INTS3: variants seen among roughly 807,000 people sequenced by gnomAD.
The protein encoded by INTS3 is integrator complex subunit 3.
Under a neutral mutation model 146.3 loss-of-function variants are expected in INTS3, and 34 were observed. The observed-to-expected ratio is 0.23, with a 90% confidence interval of 0.18 to 0.31. The LOEUF is 0.31. Among genes scored for constraint, INTS3 ranks in the 10% least tolerant of loss-of-function variants. The pLI is 1.00. For synonymous variants in INTS3, 475 were observed against 494.9 expected, an observed-to-expected ratio of 0.96 and a Z score of 0.53; for missense variants, 757 against 1,304.2, an observed-to-expected ratio of 0.58 and a Z score of 6.46.
At position 153,740,744 on chromosome 1, in the gene INTS3, A is replaced by G. The variant is rs1045879870; in HGVS notation, c.234+10A>G. 2 of 1,599,470 alleles carry G rather than the reference A, an allele frequency of 1.3e-6. No individual in the cohort carries two copies. Among genetic ancestry groups the G allele is most frequent in the African/African-American group, 2.7e-5 (2 of 74,652 alleles). The stretch of plus-strand genomic sequence containing the variant: ...TGCCCTCAATGCGTATGTAAGTAGA[A>G]TGCTGTCCCTGCAGCCACTGCTGCT... On this transcript the variant is annotated intron_variant, in intron 2 of 29. Transcript: ENST00000318967.
chr1:153,757,566 C>A lies in INTS3; in HGVS notation c.958-6C>A, dbSNP rs1473010653. 1 of 1,612,198 alleles carries A rather than the reference C, an allele frequency of 6.2e-7. No individual in the cohort carries two copies. The highest frequency in any genetic ancestry group is 8.5e-7 in the Non-Finnish European group (1 of 1,178,338). On this transcript the variant is annotated splice_region_variant and splice_polypyrimidine_tract_variant and intron_variant, in intron 9 of 29. Coordinates refer to ENST00000318967, the MANE Select transcript of INTS3 (RefSeq NM_023015.5). The surrounding 1 kb of genome is among the most constrained non-coding windows in gnomAD (Gnocchi z 4.0). ...AAGGTCTTTTTCTTGCTTCCCCTTT[C>A]CCCAGGTGCGATTTGGTCAACAAAA...
chr1:153,759,592 A>C lies in INTS3; in HGVS notation c.1216A>C (p.Lys406Gln). The C allele has an allele frequency of 6.2e-7, 1 of 1,613,446 alleles. No homozygotes were observed. The highest frequency in any genetic ancestry group is 8.5e-7 in the Non-Finnish European group (1 of 1,179,410). ...FYDWLFFSPD[K>Q]DSIMNIEPAI... ...TGACTGGCTGTTCTTTAGTCCAGAC[A>C]AGGATAGCATTATGAACATAGGTAT... The change falls in exon 11 of 30, where the codon AAG becomes CAG. Residue 406 changes from lysine to glutamine, a missense_variant. Transcript: ENST00000318967.
At chr1:153,763,734 C>A in intron 16 of INTS3, 98 bp from the exon 17 acceptor site, 1 of 1,035,004 alleles carries the variant, frequency 9.7e-7, no homozygotes, top group Non-Finnish European at 1.5e-6. Flanking sequence ...TGTTTTGTCT[C>A]TGTGCATGTG....
rs1226716562 is a variant in INTS3 at position 153,752,431 on chromosome 1, T to G, written c.859+23T>G. ...CAGGTAAGTAGGGTCTTAGGCATCC[T>G]GTCCTTGAGAGCTGGGAGTTCAATG... On this transcript the variant is annotated intron_variant, in intron 8 of 29. Transcript: ENST00000318967. 3 of 1,592,518 alleles carry G rather than the reference T, an allele frequency of 1.9e-6. No individual in the cohort carries two copies. In the South Asian group the frequency reaches 3.4e-5, roughly 18 times the overall value.
rs566516652 is a variant in INTS3 at position 153,756,317 on chromosome 1, A to T, written c.958-1255A>T. Among the ~76,000 whole-genome samples, 447 of 151,826 alleles carry T rather than the reference A, an allele frequency of 2.9e-3. 2 individuals carry two copies. The highest frequency in any genetic ancestry group is 9.0e-3 in the African/African-American group (371 of 41,428). ...GAGGCAGAGGTTACAGTGAGCTGAG[A>T]TCGTGCCACTGCACTCCAGCCTGGG... is the stretch of plus-strand genomic sequence containing the variant. On this transcript the variant is annotated intron_variant, in intron 9 of 29. Transcript: ENST00000318967.
In INTS3 at chr1:153,750,474, G is replaced by A. The variant is rs867785855; in HGVS notation, c.585-621G>A. ...TTTTTCAGGTTGTGATTTAGGACAGGTGACTCATTGTGTGGGAGTGGGGAC... is the reference window on the plus strand; with the variant it reads ...TTTTTCAGGTTGTGATTTAGGACAGATGACTCATTGTGTGGGAGTGGGGAC... On this transcript the variant is annotated intron_variant, in intron 6 of 29. Coordinates refer to ENST00000318967, the MANE Select transcript of INTS3 (RefSeq NM_023015.5). Among the ~76,000 whole-genome samples, 4 of 152,288 alleles carry A rather than the reference G, an allele frequency of 2.6e-5. No homozygotes were observed. The South Asian group carries it at 6.2e-4, about 24-fold the overall frequency.
At chr1:153,733,087 T>C (rs1343691216) in intron 1 of INTS3, among the ~76,000 whole-genome samples, 2 of 150,132 alleles carry the variant, frequency 1.3e-5, no homozygotes, top group Non-Finnish European at 3.0e-5. Flanking sequence ...ATGATCCACC[T>C]ACCTCGGCCT....
chr1:153,743,601 T>C (rs1378345514), intron 3 of INTS3, among the ~76,000 whole-genome samples: 1 of 124,922 alleles, frequency 8.0e-6, no homozygotes, highest in Non-Finnish European at 1.9e-5. Flanking sequence ...TTGTCTCACT[T>C]GTACCTTCTT....
At chr1:153,760,043 T>A in intron 11 of INTS3, 1 of 549,420 alleles carries the variant, frequency 1.8e-6, no homozygotes. Context: ...CATTCATGTA[T>A]ATTGACATCC....
At chr1:153,761,515 A>C in intron 13 of INTS3, 55 bp from the exon 14 acceptor site, 2 of 1,339,730 alleles carry the variant, frequency 1.5e-6, no homozygotes, top group Non-Finnish European at 2.1e-6. Flanking sequence ...TGTCTCAAAA[A>C]AAAATAAAAA....
rs1263866464 is a variant in INTS3 at position 153,774,295 on chromosome 1, AC to A, written c.*1027del. 2.6e-5 allele frequency: 4 copies of A among 152,242 alleles called. No individual in the cohort carries two copies. The highest frequency in any genetic ancestry group is 9.7e-5 in the African/African-American group (4 of 41,442). The allele number at this position is 152,242 out of a possible 1,614,324, so 9.4% of individuals were successfully genotyped here. A position where few individuals can be genotyped will look rare whatever the true frequency, so the allele number is the denominator to read the frequency against. On this transcript the variant is annotated 3_prime_UTR_variant, in exon 30 of 30. Coordinates refer to ENST00000318967, the MANE Select transcript of INTS3 (RefSeq NM_023015.5). ...CCAGGCACTGATCTGTCTATGCAGA[AC>A]CATCCCCCGTAGGATGAGGCCTGTC...
In INTS3 at chr1:153,748,943, T is replaced by A. The variant is rs536019793; in HGVS notation, c.584+188T>A. 1.0e-3 allele frequency among the ~76,000 whole-genome samples: 157 copies of A among 152,244 alleles called. 1 individual carries two copies. Among genetic ancestry groups the A allele is most frequent in the Non-Finnish European group, 1.7e-3 (119 of 68,010 alleles). ...AATTAATGCCCAAGGAATGAAGGAA[T>A]GGGAAAGAGGTCTTTGCCAAAATAT... On this transcript the variant is annotated intron_variant, in intron 6 of 29. Coordinates refer to ENST00000318967, the MANE Select transcript of INTS3 (RefSeq NM_023015.5).
intron 3 of INTS3, among the ~76,000 whole-genome samples, chr1:153,744,282 C>G (rs1372856144): frequency 6.6e-6 from 1 of 152,154 alleles, no homozygotes; most frequent in East Asian, 1.9e-4. Flanking sequence ...GAGAACTTGT[C>G]CTGCTTCCCT....
rs1489690113 is a variant in INTS3 at position 153,757,846 on chromosome 1, C to T, written c.1149+83C>T. 1.7e-6 allele frequency: 2 copies of T among 1,154,420 alleles called. No individual in the cohort carries two copies. Among genetic ancestry groups the T allele is most frequent in the Non-Finnish European group, 1.3e-6 (1 of 782,820 alleles). 71.5% of individuals were successfully genotyped at this position (1,154,420 alleles called of 1,614,324 possible). ...TCCATTCTTCTTCCTGACTCCAGGG[C>T]CACTTGACCCCTAAGGGCCCTTCTT... On this transcript the variant is annotated intron_variant, in intron 10 of 29. Transcript: ENST00000318967. This position sits in a 1 kb window ranked among gnomAD's most constrained non-coding sequence, Gnocchi z 4.0.
In INTS3 at chr1:153,772,990, G is replaced by C. The variant is rs1381986307; in HGVS notation, c.2960G>C (p.Arg987Pro). The C allele has an allele frequency of 6.2e-7, 1 of 1,614,042 alleles. No individual in the cohort carries two copies. Among genetic ancestry groups the C allele is most frequent in the Non-Finnish European group, 8.5e-7 (1 of 1,180,036 alleles). ...EDSSTKPPKSRRKAALSSPRS... is the reference protein window; with the variant it reads ...EDSSTKPPKSPRKAALSSPRS... ...TCTTCCACCAAGCCACCCAAGAGCC[G>C]GCGAAAAGCAGCTCTGTCCAGCCCT... Residue 987 changes from arginine to proline, a missense_variant, in exon 29 of 30, where the codon CGG (arginine) becomes CCG (proline). By Grantham distance (103) the Arg-to-Pro change is moderately radical (BLOSUM62 -2). Around this residue, in one of 8 missense-constraint regions of INTS3, gnomAD observed 125 missense variants for 165.6 expected, o/e 0.75. Coordinates refer to ENST00000318967, the MANE Select transcript of INTS3 (RefSeq NM_023015.5). The surrounding 1 kb of genome is among the most constrained non-coding windows in gnomAD (Gnocchi z 4.6).
rs1313282382 is a variant in INTS3, at chr1:153,728,253, C to T, written c.-382C>T. On this transcript the variant is annotated 5_prime_UTR_variant, in exon 1 of 30. Coordinates refer to ENST00000318967, the MANE Select transcript of INTS3 (RefSeq NM_023015.5). ...TTCAGGGGCAGGACTCCTCTTTTCC[C>T]CCCACGGGGAAAAGAGGCAGAAACT... is the stretch of plus-strand genomic sequence containing the variant. 2 of 391,808 alleles carry T rather than the reference C, an allele frequency of 5.1e-6. No individual in the cohort carries two copies. Among genetic ancestry groups the T allele is most frequent in the Non-Finnish European group, 9.0e-6 (2 of 222,070 alleles). The allele number at this position is 391,808 out of a possible 1,614,324, so 24.3% of individuals were successfully genotyped here.
intron 1 of INTS3, 113 bp from the exon 2 acceptor site, chr1:153,740,538 G>T: frequency 1.3e-6 from 1 of 761,438 alleles, no homozygotes; most frequent in Non-Finnish European, 2.3e-6. Flanking sequence ...AAGTAAACTG[G>T]CAGCTAGATC....
intron 3 of INTS3, among the ~76,000 whole-genome samples, chr1:153,743,486 C>T (rs917960735): frequency 2.6e-5 from 4 of 152,026 alleles, no homozygotes; most frequent in African/African-American, 7.3e-5. Flanking sequence ...CTCTCTGGGA[C>T]TTAGTGGGTG....
chr1:153,739,448 T>G (rs1423458648), intron 1 of INTS3, among the ~76,000 whole-genome samples: 2 of 151,930 alleles, frequency 1.3e-5, no homozygotes, highest in East Asian at 3.9e-4. Flanking sequence ...GTTTAAGCAA[T>G]TCTCCTGCCT....
Sources: gnomAD v4.1 joint callset for allele counts (sites outside exome capture counted in the v4.1 genomes callset) on GRCh38, gnomAD v4.1.1 for gene constraint, gnomAD v4.1.1 regional missense constraint, Gnocchi (gnomAD v3.1) non-coding constraint, MANE v1.5 for transcripts, NCBI Gene and HGNC (gene_info 2026-07-23, HGNC 2026-07-21) for gene names.